Variants in PRRX2 observed in about 807,000 individuals in gnomAD.
PRRX2 encodes paired related homeobox 2, also known as paired mesoderm homeobox protein 2.
A neutral mutation model predicts 18.0 loss-of-function variants in PRRX2; 11 were observed. That is an observed-to-expected ratio of 0.61 (90% confidence interval 0.39 to 1.01). The LOEUF (loss-of-function observed/expected upper bound fraction) is 1.01, where lower values mean the gene tolerates loss of function less well. PRRX2 is among the 50% of genes least tolerant of loss of function. PRRX2 has a pLI of 0.01. For missense variants in PRRX2, 387 were observed against 351.0 expected, an observed-to-expected ratio of 1.10 and a Z score of -0.82; for synonymous variants, 177 against 154.8, an observed-to-expected ratio of 1.14 and a Z score of -1.06.
intron 1 of PRRX2, among the ~76,000 whole-genome samples, chr9:129,714,616 G>A (rs1012765758): frequency 2.0e-5 from 3 of 152,108 alleles, no homozygotes; most frequent in South Asian, 2.1e-4. Flanking sequence ...TGTTGGGGGC[G>A]GTCTGGGGCT....
Position 129,674,566 on chromosome 9 carries a change from G to A in PRRX2, c.259+8440G>A, listed in dbSNP as rs147108157. ...TTGGGAGTGAGACAATGACAGAGAAGGAGGCCCAGGCTGTGAGGACTGGAA... is the reference window on the plus strand; with the variant it reads ...TTGGGAGTGAGACAATGACAGAGAAAGAGGCCCAGGCTGTGAGGACTGGAA... On this transcript the variant is annotated intron_variant, in intron 1 of 3. Coordinates refer to ENST00000372469, the MANE Select transcript of PRRX2 (RefSeq NM_016307.4). 4.9e-3 allele frequency among the ~76,000 whole-genome samples: 745 copies of A among 152,186 alleles called. 6 individuals carry two copies. Among genetic ancestry groups the A allele is most frequent in the African/African-American group, 0.017 (691 of 41,506 alleles).
In PRRX2 at chr9:129,684,515, CACACACACCCACACACA is replaced by C. The variant is rs1564147453; in HGVS notation, c.259+18390_259+18406del. ...ACACACACACACACACACACACACA[CACACACACCCACACACA>C]CCCCAACAGAAAAGAGACCAGAAAT... On this transcript the variant is annotated intron_variant, in intron 1 of 3. Transcript: ENST00000372469. Among the ~76,000 whole-genome samples the C allele has an allele frequency of 9.0e-4, 41 of 45,512 alleles. 1 individual carries two copies. Among genetic ancestry groups the C allele is most frequent in the South Asian group, 7.5e-3 (14 of 1,864 alleles). 29.9% of individuals were successfully genotyped at this position (45,512 alleles called of 152,430 possible).
chr9:129,669,770 A>G lies in PRRX2; in HGVS notation c.259+3644A>G, dbSNP rs562917552. On this transcript the variant is annotated intron_variant, in intron 1 of 3. Coordinates refer to ENST00000372469, the MANE Select transcript of PRRX2 (RefSeq NM_016307.4). Reference sequence around the variant, plus strand: ...GGTGGGGGTCCCCAGGGCTCAGCTCAGGGCCTGAGTTAAGAGACTGAGTTA... The same window carrying G: ...GGTGGGGGTCCCCAGGGCTCAGCTCGGGGCCTGAGTTAAGAGACTGAGTTA... Among the ~76,000 whole-genome samples the G allele has an allele frequency of 2.6e-5, 4 of 152,252 alleles. No homozygotes were observed. In the South Asian group the frequency reaches 6.2e-4, roughly 24 times the overall value.
intron 1 of PRRX2, among the ~76,000 whole-genome samples, chr9:129,700,946 G>A (rs11793992): frequency 0.35 from 53,449 of 152,144 alleles, 10,290 homozygotes; most frequent in East Asian, 0.57. Context: ...GGGCTGGCCT[G>A]TTCTGACCAA....
At chr9:129,692,490 G>A (rs1218626846) in intron 1 of PRRX2, among the ~76,000 whole-genome samples, 1 of 152,072 alleles carries the variant, frequency 6.6e-6, no homozygotes, top group African/African-American at 2.4e-5. Context: ...ATAATGACAC[G>A]GATCCACCAC....
chr9:129,672,357 G>A (rs944256712), intron 1 of PRRX2, among the ~76,000 whole-genome samples: 1 of 152,186 alleles, frequency 6.6e-6, no homozygotes, highest in African/African-American at 2.4e-5. Context: ...CCTCACTGGA[G>A]TTGTCCTCCT....
chr9:129,700,278 C>T (rs899785453), intron 1 of PRRX2, among the ~76,000 whole-genome samples: 4 of 151,354 alleles, frequency 2.6e-5, no homozygotes, highest in African/African-American at 7.3e-5. Flanking sequence ...GGCAGCCTGC[C>T]GCCAGGGTCC....
intron 1 of PRRX2, among the ~76,000 whole-genome samples, chr9:129,694,559 G>A (rs1032884715): frequency 6.6e-6 from 1 of 152,200 alleles, no homozygotes; most frequent in Non-Finnish European, 1.5e-5. Flanking sequence ...AGATTCATGC[G>A]TGCTCGGCAG....
rs1055616265 is a variant in PRRX2 at position 129,675,233 on chromosome 9, C to T, written c.259+9107C>T. On this transcript the variant is annotated intron_variant, in intron 1 of 3. Coordinates refer to ENST00000372469, the MANE Select transcript of PRRX2 (RefSeq NM_016307.4). This position sits in a 1 kb window ranked among gnomAD's most constrained non-coding sequence, Gnocchi z 4.4. The stretch of plus-strand genomic sequence containing the variant: ...GGGACTGGATTTTGTGCCAAAGCTG[C>T]ACTGCCGGGTCTAGGAGGAAGTATT... Among the ~76,000 whole-genome samples, 2 of 152,192 alleles carry T rather than the reference C, an allele frequency of 1.3e-5. No individual in the cohort carries two copies. Among genetic ancestry groups the T allele is most frequent in the African/African-American group, 2.4e-5 (1 of 41,452 alleles).
At position 129,665,919 on chromosome 9, in the gene PRRX2, G is replaced by A; in HGVS notation, c.52G>A (p.Gly18Arg). ...FALDKPALGPGPPPPPPALGP... is the reference protein window; with the variant it reads ...FALDKPALGPRPPPPPPALGP... The stretch of plus-strand genomic sequence containing the variant: ...CCTGGACAAGCCGGCGCTGGGCCCG[G>A]GGCCGCCGCCGCCTCCACCCGCGCT... The change falls in exon 1 of 4, where the codon GGG becomes AGG. Residue 18 changes from glycine to arginine, a missense_variant. By Grantham distance (125) the Gly-to-Arg change is moderately radical. Transcript: ENST00000372469. The surrounding 1 kb of genome is among the most constrained non-coding windows in gnomAD (Gnocchi z 5.3). 1 of 1,115,436 alleles carries A rather than the reference G, an allele frequency of 9.0e-7. No homozygotes were observed. The highest frequency in any genetic ancestry group is 1.1e-6 in the Non-Finnish European group (1 of 914,590). The allele number at this position is 1,115,436 out of a possible 1,614,324, so 69.1% of individuals were successfully genotyped here. A position where few individuals can be genotyped will look rare whatever the true frequency, so the allele number is the denominator to read the frequency against.
chr9:129,698,551 T>TG (rs1832458102), intron 1 of PRRX2, among the ~76,000 whole-genome samples: 1 of 152,072 alleles, frequency 6.6e-6, no homozygotes, highest in African/African-American at 2.4e-5. Flanking sequence ...GCTGGGATGC[T>TG]GGGTAGGGTG....
chr9:129,721,514 G>C (rs570115390), intron 3 of PRRX2, among the ~76,000 whole-genome samples: 83 of 152,180 alleles, frequency 5.5e-4, no homozygotes, highest in African/African-American at 1.8e-3. Context: ...AGTCCTCACC[G>C]CCCTCCTAAC....
At chr9:129,692,370 AT>A (rs1156360551) in intron 1 of PRRX2, among the ~76,000 whole-genome samples, 27 of 145,040 alleles carry the variant, frequency 1.9e-4, no homozygotes, top group African/African-American at 6.5e-4. Context: ...AGAGTGTTAC[AT>A]TCGTTACAGT....
chr9:129,682,936 C>CT (rs1013802474), intron 1 of PRRX2, among the ~76,000 whole-genome samples: 1 of 152,028 alleles, frequency 6.6e-6, no homozygotes, highest in Non-Finnish European at 1.5e-5. Flanking sequence ...GAACCCCCCC[C>CT]ATCTCTACTA....
At chr9:129,693,383 C>G (rs1241210060) in intron 1 of PRRX2, among the ~76,000 whole-genome samples, 2 of 152,156 alleles carry the variant, frequency 1.3e-5, no homozygotes, top group Non-Finnish European at 2.9e-5. Flanking sequence ...CACCTGAGGT[C>G]AGGAGTTCAA....
At chr9:129,704,172 A>AG (rs1301227461) in intron 1 of PRRX2, among the ~76,000 whole-genome samples, 3 of 152,188 alleles carry the variant, frequency 2.0e-5, no homozygotes, top group African/African-American at 7.2e-5. Flanking sequence ...AGAGTTCTCA[A>AG]GGGGGGTTCA....
Position 129,722,574 on chromosome 9 carries a change from C to A in PRRX2, c.*222C>A. Reference sequence around the variant, plus strand: ...CCCACAACCCTTGGAGGGGTTGGGCCGGAAGGTGGAAGAGCCTGCCAAGGA... The same window carrying A: ...CCCACAACCCTTGGAGGGGTTGGGCAGGAAGGTGGAAGAGCCTGCCAAGGA... On this transcript the variant is annotated 3_prime_UTR_variant, in exon 4 of 4. Coordinates refer to ENST00000372469, the MANE Select transcript of PRRX2 (RefSeq NM_016307.4). The A allele has an allele frequency of 2.3e-6, 1 of 428,086 alleles. No homozygotes were observed. The highest frequency in any genetic ancestry group is 3.9e-6 in the Non-Finnish European group (1 of 255,494). The allele number at this position is 428,086 out of a possible 1,614,324, so 26.5% of individuals were successfully genotyped here.
intron 1 of PRRX2, among the ~76,000 whole-genome samples, chr9:129,690,532 A>G (rs1328210576): frequency 7.3e-6 from 1 of 137,072 alleles, no homozygotes; most frequent in Non-Finnish European, 1.5e-5. Flanking sequence ...TTTAAGACGG[A>G]GTCTCGCTCT....
chr9:129,682,455 A>C (rs1832245096), intron 1 of PRRX2, among the ~76,000 whole-genome samples: 1 of 152,148 alleles, frequency 6.6e-6, no homozygotes, highest in East Asian at 1.9e-4. Context: ...TCTCCCTAGC[A>C]TGGGGTTGGA....
Sources: allele counts gnomAD v4.1 joint callset (sites outside exome capture counted in the v4.1 genomes callset), GRCh38; gene constraint gnomAD v4.1.1; non-coding constraint Gnocchi (gnomAD v3.1); transcripts MANE v1.5; gene names NCBI Gene and HGNC (gene_info 2026-07-23, HGNC 2026-07-21).